Variants in EEF2 observed in about 807,000 individuals in gnomAD.
EEF2 encodes the protein eukaryotic translation elongation factor 2, also known as elongation factor 2.
Under a neutral mutation model 85.3 loss-of-function variants are expected in EEF2, and 21 were observed. The ratio of observed to expected loss-of-function variants is 0.25; its 90% CI spans 0.17 to 0.35. The LOEUF is 0.35. EEF2 is among the 10% of genes least tolerant of loss of function. EEF2 has a pLI of 1.00. For synonymous variants in EEF2, 723 were observed against 508.8 expected (o/e 1.42, Z -5.67); for missense variants, 825 against 1,225.3 (o/e 0.67, Z 4.88).
intron 3 of EEF2, 21 bp downstream of exon 3, chr19:3,983,089 T>C: frequency 6.2e-7 from 1 of 1,612,300 alleles, no homozygotes. Flanking sequence ...AGGCCGTGCC[T>C]CAGGGGGACC....
At chr19:3,981,214 A>C (rs2039741741) in intron 7 of EEF2, 125 bp downstream of exon 7, 10 of 1,107,182 alleles carry the variant, frequency 9.0e-6, no homozygotes, top group African/African-American at 1.6e-5. Flanking sequence ...CCAGAGTCTA[A>C]AGCGAAAGGG....
rs1019256053 is a variant in EEF2, at chr19:3,980,401, C to CTA, written c.1346+111_1346+112dup. 134 of 1,319,336 alleles carry CTA rather than the reference C, an allele frequency of 1.0e-4. No homozygotes were observed. In the African/African-American group the frequency reaches 1.6e-3, roughly 16 times the overall value. 81.7% of individuals were successfully genotyped at this position (1,319,336 alleles called of 1,614,324 possible). On this transcript the variant is annotated intron_variant, in intron 9 of 14. Coordinates refer to ENST00000309311, the MANE Select transcript of EEF2 (RefSeq NM_001961.4). ...AGTTGTGGCTGGCACAAGTATCACC[C>CTA]TATATTCCTTCTATGCTCCTTACTT...
At chr19:3,982,722 GT>G in intron 4 of EEF2, 84 bp downstream of exon 4, 1 of 1,434,440 alleles carries the variant, frequency 7.0e-7, no homozygotes, top group African/African-American at 1.4e-5. Flanking sequence ...CACACTTCCA[GT>G]CCCCCTCAGC....
At chr19:3,981,483 C>T (rs372514571) in intron 6 of EEF2, 31 bp from the exon 7 acceptor site, 22 of 1,594,528 alleles carry the variant, frequency 1.4e-5, no homozygotes, top group Non-Finnish European at 1.5e-5. Context: ...CAAGAAAGCC[C>T]ATTTGGGAAC....
Position 3,976,701 on chromosome 19 carries a change from G to A in EEF2, c.2430C>T (p.Pro810=), listed in dbSNP as rs147647933. 1.5e-4 allele frequency: 244 copies of A among 1,606,132 alleles called. No homozygotes were observed. In the African/African-American group the frequency reaches 2.6e-3, roughly 17 times the overall value. The change falls in exon 15 of 15, where the codon CCC becomes CCT. Residue 810 remains proline (P), a synonymous_variant. Transcript: ENST00000309311. ...LRSNTGGQAF[P]QCVFDHWQIL... ...TCTGCCAGTGGTCAAACACACACTG[G>A]GGGAACGCCTGGCCGCCCGTGTTGG...
In EEF2 at chr19:3,977,183, G is replaced by C. The variant is rs764509324; in HGVS notation, c.2383+32C>G. ...TTCTGTCCCCCAAACCAGCCTGCCA[G>C]GCTCTGCAGGCCACACCGGGCAGGC... On this transcript the variant is annotated intron_variant, in intron 14 of 14. Coordinates refer to ENST00000309311, the MANE Select transcript of EEF2 (RefSeq NM_001961.4). The surrounding 1 kb of genome is among the most constrained non-coding windows in gnomAD (Gnocchi z 5.4). The C allele has an allele frequency of 1.9e-6, 3 of 1,604,484 alleles. No homozygotes were observed. The highest frequency in any genetic ancestry group is 1.1e-5 in the South Asian group (1 of 90,608).
Position 3,982,945 on chromosome 19 carries a change from G to A in EEF2, c.474C>T (p.Asn158=), listed in dbSNP as rs1324646678. 1 of 1,613,372 alleles carries A rather than the reference G, an allele frequency of 6.2e-7. No individual in the cohort carries two copies. The highest frequency in any genetic ancestry group is 1.6e-4 in the Middle Eastern group (1 of 6,062). ...GCTCCAGCAGGGCGCGGTCCATCTTGTTCATCATCAGCACAGGCTTGATGC... is the reference window on the plus strand; with the variant it reads ...GCTCCAGCAGGGCGCGGTCCATCTTATTCATCATCAGCACAGGCTTGATGC... ...AERIKPVLMM[N]KMDRALLELQ... The change falls in exon 4 of 15, where the codon AAC becomes AAT. Residue 158 remains asparagine, a synonymous_variant. Coordinates refer to ENST00000309311, the MANE Select transcript of EEF2 (RefSeq NM_001961.4).
rs370662833 is a variant in EEF2, at chr19:3,979,347, G to A, written c.1695C>T (p.His565=). Residue 565 remains histidine (H), a synonymous_variant, in exon 11 of 15, where the codon CAC becomes CAT. Coordinates refer to ENST00000309311, the MANE Select transcript of EEF2 (RefSeq NM_001961.4). ...GCCTCACCTTGATGGGGATGCAGGC[G>A]TGGTCCTCCTCCAGGTCCTTCAGGC... ...EICLKDLEED[H]ACIPIKKSDP... is the part of the protein sequence containing the mutation. 24 of 1,613,894 alleles carry A rather than the reference G, an allele frequency of 1.5e-5. No homozygotes were observed. The African/African-American group carries it at 2.5e-4, about 17-fold the overall frequency.
Position 3,982,441 on chromosome 19 carries a change from C to G in EEF2, c.613-17G>C, listed in dbSNP as rs560481109. On this transcript the variant is annotated splice_polypyrimidine_tract_variant and intron_variant, in intron 4 of 14. Coordinates refer to ENST00000309311, the MANE Select transcript of EEF2 (RefSeq NM_001961.4). ...AGGATCGATCTGGAAGTGTGAGAAA[C>G]GAGAAGCAGCCGTGAGGGCCCCTGC... 1 of 1,613,770 alleles carries G rather than the reference C, an allele frequency of 6.2e-7. No individual in the cohort carries two copies. The highest frequency in any genetic ancestry group is 8.5e-7 in the Non-Finnish European group (1 of 1,180,036).
chr19:3,984,531 G>C (rs927004403), intron 1 of EEF2, among the ~76,000 whole-genome samples, 181 bp from the exon 2 acceptor site: 1 of 152,158 alleles, frequency 6.6e-6, no homozygotes, highest in Non-Finnish European at 1.5e-5. Flanking sequence ...CAATCTCCAA[G>C]GAACCACCGT....
rs2039725694 is a variant in EEF2, at chr19:3,980,027, C to T, written c.1386G>A (p.Glu462=). ...CCACAATGTTCCCACAAGGCACATC[C>T]TCGATGGGCTCCACGTAGCGGCCCA... ...LMMGRYVEPI[E]DVPCGNIVGL... is the part of the protein sequence containing the mutation. Residue 462 remains glutamate (E), a synonymous_variant, in exon 10 of 15, where the codon GAG becomes GAA. Coordinates refer to ENST00000309311, the MANE Select transcript of EEF2 (RefSeq NM_001961.4). The T allele has an allele frequency of 6.2e-7, 1 of 1,613,628 alleles. No homozygotes were observed. The highest frequency in any genetic ancestry group is 8.5e-7 in the Non-Finnish European group (1 of 1,180,020).
intron 11 of EEF2, among the ~76,000 whole-genome samples, chr19:3,979,117 G>T (rs1255680518): frequency 6.6e-6 from 1 of 152,122 alleles, no homozygotes; most frequent in Non-Finnish European, 1.5e-5. Context: ...GGATGACACA[G>T]CGAGACTATC....
intron 3 of EEF2, 28 bp downstream of exon 3, chr19:3,983,082 C>T (rs1276899551): frequency 1.2e-6 from 2 of 1,612,024 alleles, no homozygotes; most frequent in Admixed American, 1.7e-5. Context: ...CGGTTCCAGG[C>T]CGTGCCTCAG....
At chr19:3,981,278 A>G (rs2039742612) in intron 7 of EEF2, 61 bp downstream of exon 7, 2 of 1,525,248 alleles carry the variant, frequency 1.3e-6, no homozygotes, top group African/African-American at 1.4e-5. Context: ...CTGGGCTGTC[A>G]GAGCATCCGG....
rs1599191271 is a variant in EEF2, at chr19:3,978,110, G to C, written c.1776C>G (p.Leu592=). ...GGTTGTGCTTGTTGGGGGACTTGGA[G>C]AGGCAGAGCACGTTCGACTCTTCAC... ...TVSEESNVLC[L]SKSPNKHNRL... The change falls in exon 12 of 15, where the codon CTC becomes CTG. Residue 592 remains leucine, a synonymous_variant. Coordinates refer to ENST00000309311, the MANE Select transcript of EEF2 (RefSeq NM_001961.4). 6.6e-7 allele frequency: 1 copy of C among 1,522,106 alleles called. No individual in the cohort carries two copies. The highest frequency in any genetic ancestry group is 8.9e-7 in the Non-Finnish European group (1 of 1,126,862). The allele number at this position is 1,522,106 out of a possible 1,614,324, so 94.3% of individuals were successfully genotyped here. A position where few individuals can be genotyped will look rare whatever the true frequency, so the allele number is the denominator to read the frequency against.
At chr19:3,978,943 G>C (rs1006724611) in intron 11 of EEF2, among the ~76,000 whole-genome samples, 7 of 150,882 alleles carry the variant, frequency 4.6e-5, no homozygotes, top group Non-Finnish European at 2.9e-5. Context: ...TACTAACACA[G>C]TGAAACCCCG....
rs757844168 is a variant in EEF2, at chr19:3,976,227, G to C, written c.*327C>G. ...TGTACCCAAATAAACCTCTTAATGCGTTTGTTAAAATTAGTTTGGACATCT... is the reference window on the plus strand; with the variant it reads ...TGTACCCAAATAAACCTCTTAATGCCTTTGTTAAAATTAGTTTGGACATCT... On this transcript the variant is annotated 3_prime_UTR_variant, in exon 15 of 15. Coordinates refer to ENST00000309311, the MANE Select transcript of EEF2 (RefSeq NM_001961.4). 6.7e-5 allele frequency: 23 copies of C among 345,142 alleles called. No individual in the cohort carries two copies. Among genetic ancestry groups the C allele is most frequent in the African/African-American group, 4.5e-4 (21 of 46,232 alleles). The allele number at this position is 345,142 out of a possible 1,614,324, so 21.4% of individuals were successfully genotyped here. A position where few individuals can be genotyped will look rare whatever the true frequency, so the allele number is the denominator to read the frequency against.
chr19:3,982,272 G>C lies in EEF2; in HGVS notation c.765C>G (p.Asp255Glu). 1.2e-6 allele frequency: 2 copies of C among 1,614,160 alleles called. No individual in the cohort carries two copies. Among genetic ancestry groups the C allele is most frequent in the Non-Finnish European group, 1.7e-6 (2 of 1,180,036 alleles). Residue 255 changes from aspartate (D) to glutamate (E), a missense_variant, in exon 5 of 15, where the codon GAC becomes GAG. By Grantham distance (45) the Asp-to-Glu change is conservative (BLOSUM62 2). Coordinates refer to ENST00000309311, the MANE Select transcript of EEF2 (RefSeq NM_001961.4). ...GPAERAKKVE[D>E]MMKKLWGDRY... ...TGTCACCCCACAGCTTCTTCATCAT[G>C]TCCTCTACTTTCTTGGCCCGCTCGG...
rs199869083 is a variant in EEF2 at position 3,977,632 on chromosome 19, C to T, written c.2068-22G>A. On this transcript the variant is annotated intron_variant, in intron 12 of 14. Transcript: ENST00000309311. The surrounding 1 kb of genome is among the most constrained non-coding windows in gnomAD (Gnocchi z 5.4). ...CGCCCTGGGGGAGGGGGAGAGCCAC[C>T]GTCAAGGGCCGGACACACCTCGGCT... 6.9e-5 allele frequency: 104 copies of T among 1,498,656 alleles called. No individual in the cohort carries two copies. Among genetic ancestry groups the T allele is most frequent in the Non-Finnish European group, 7.1e-5 (80 of 1,128,450 alleles). 92.8% of individuals were successfully genotyped at this position (1,498,656 alleles called of 1,614,324 possible). A position where few individuals can be genotyped will look rare whatever the true frequency, so the allele number is the denominator to read the frequency against.
Sources: allele counts gnomAD v4.1 joint callset (sites outside exome capture counted in the v4.1 genomes callset), GRCh38; gene constraint gnomAD v4.1.1; non-coding constraint Gnocchi (gnomAD v3.1); transcripts MANE v1.5; gene names NCBI Gene and HGNC (gene_info 2026-07-23, HGNC 2026-07-21).